Variants in PNKD observed in about 807,000 individuals in gnomAD.
The protein encoded by PNKD is probable thioesterase PNKD.
PNKD carries 36 observed loss-of-function variants against 45.3 expected under a neutral mutation model. That is an observed-to-expected ratio of 0.80 (90% CI 0.61 to 1.05). The LOEUF is 1.05. Among genes scored for constraint, PNKD ranks in the 50% least tolerant of loss-of-function variants. PNKD has a pLI of 0.00. For missense variants in PNKD, 511 were observed against 506.6 expected, an observed-to-expected ratio of 1.01 and a Z score of -0.08; for synonymous variants, 197 against 210.1, an observed-to-expected ratio of 0.94 and a Z score of 0.54.
At chr2:218,294,357 C>A (rs1177690911) in intron 2 of PNKD, among the ~76,000 whole-genome samples, 1 of 152,162 alleles carries the variant, frequency 6.6e-6, no homozygotes. Context: ...ATGTATTGCT[C>A]ACAGTTCTGG....
intron 2 of PNKD, among the ~76,000 whole-genome samples, chr2:218,289,573 T>A (rs1238693030): frequency 1.5e-5 from 2 of 134,586 alleles, no homozygotes; most frequent in Non-Finnish European, 3.0e-5. Context: ...ACCCAGGAGA[T>A]GTAGGTTGCA....
At chr2:218,299,704 C>T (rs1374426604) in intron 2 of PNKD, among the ~76,000 whole-genome samples, 1 of 152,012 alleles carries the variant, frequency 6.6e-6, no homozygotes, top group African/African-American at 2.4e-5. Context: ...TCACTACAAC[C>T]TCCACCTCCC....
At chr2:218,275,547 G>A (rs142976124) in intron 2 of PNKD, 38 of 1,614,022 alleles carry the variant, frequency 2.4e-5, no homozygotes, top group East Asian at 4.5e-5. Context: ...TCTGCAGGGC[G>A]CCAGTGATGT....
chr2:218,329,199 ACT>A (rs1416227288), intron 2 of PNKD, among the ~76,000 whole-genome samples: 3 of 151,808 alleles, frequency 2.0e-5, no homozygotes, highest in Non-Finnish European at 4.4e-5. Flanking sequence ...ACAGAGCAAG[ACT>A]CTGTGTCAAA....
chr2:218,295,990 C>T (rs1382287719), intron 2 of PNKD, among the ~76,000 whole-genome samples: 2 of 151,762 alleles, frequency 1.3e-5, no homozygotes, highest in Non-Finnish European at 2.9e-5. Flanking sequence ...GGACTACAGA[C>T]ATGAGCACCA....
chr2:218,332,432 T>C (rs916913163), intron 2 of PNKD, among the ~76,000 whole-genome samples: 4 of 152,136 alleles, frequency 2.6e-5, no homozygotes, highest in South Asian at 2.1e-4. Flanking sequence ...TGCAGGCAGA[T>C]GGAGGGAGAG....
intron 2 of PNKD, among the ~76,000 whole-genome samples, chr2:218,317,691 A>G (rs947214530): frequency 1.8e-4 from 28 of 152,248 alleles, no homozygotes; most frequent in African/African-American, 6.3e-4. Context: ...GTGAGAAGGC[A>G]GAGGACGTTG....
chr2:218,275,990 C>G, intron 2 of PNKD: 5 of 1,598,648 alleles, frequency 3.1e-6, no homozygotes, highest in Non-Finnish European at 4.3e-6. Context: ...CCCTCATCCC[C>G]TCAGCTCCCC....
Position 218,342,049 on chromosome 2 carries a change from A to C in PNKD, c.686A>C (p.His229Pro). ...LQIRALATPG[H>P]TQGHLVYLLD... ...ATCCGGGCCCTGGCTACACCTGGCC[A>C]CACACAAGGCCATCTGGTCTACCTA... Residue 229 changes from histidine (H) to proline (P), a missense_variant, in exon 7 of 10, where the codon CAC becomes CCC. By Grantham distance (77) the His-to-Pro change is moderately conservative. Coordinates refer to ENST00000273077, the MANE Select transcript of PNKD (RefSeq NM_015488.5). 6.2e-7 allele frequency: 1 copy of C among 1,612,568 alleles called. No individual in the cohort carries two copies. Among genetic ancestry groups the C allele is most frequent in the African/African-American group, 1.3e-5 (1 of 75,034 alleles).
intron 2 of PNKD, chr2:218,327,199 C>G (rs1200591723): frequency 1.3e-5 from 2 of 152,278 alleles, no homozygotes; most frequent in Non-Finnish European, 2.9e-5. Context: ...ACCAAGCCCC[C>G]TCTCCATTCC....
At chr2:218,336,678 G>A (rs184989838) in intron 2 of PNKD, among the ~76,000 whole-genome samples, 459 of 151,144 alleles carry the variant, frequency 3.0e-3, no homozygotes, top group Admixed American at 5.2e-3. Flanking sequence ...ACAGGGTCTC[G>A]CCATGTTGCC....
chr2:218,315,039 T>TC (rs1574690939), intron 2 of PNKD, among the ~76,000 whole-genome samples: 19 of 294 alleles, frequency 0.065, 3 homozygotes, highest in East Asian at 0.43. Context: ...TTTCTTTCTT[T>TC]TTCTTTCTTT....
intron 2 of PNKD, among the ~76,000 whole-genome samples, chr2:218,293,771 T>G (rs1276178822): frequency 3.4e-5 from 3 of 88,482 alleles, no homozygotes; most frequent in South Asian, 3.9e-4. Context: ...TGCTTGTTTG[T>G]TTTGTTTGGT....
chr2:218,323,497 G>A, intron 2 of PNKD: 2 of 1,400,738 alleles, frequency 1.4e-6, no homozygotes, highest in South Asian at 1.4e-5. Flanking sequence ...GGGACTGGGA[G>A]GCGGGGGCTG....
intron 2 of PNKD, among the ~76,000 whole-genome samples, chr2:218,288,306 G>A (rs1035458309): frequency 6.6e-6 from 1 of 152,244 alleles, no homozygotes; most frequent in Non-Finnish European, 1.5e-5. Flanking sequence ...GCGGACGCCT[G>A]TAGTCCCAGC....
At chr2:218,328,287 A>G (rs965994853) in intron 2 of PNKD, among the ~76,000 whole-genome samples, 2 of 152,112 alleles carry the variant, frequency 1.3e-5, no homozygotes, top group African/African-American at 4.8e-5. Flanking sequence ...GTGGCTCCAC[A>G]TGGCTTGCTG....
At chr2:218,343,626 C>CG in intron 8 of PNKD, 40 bp downstream of exon 8, 3 of 1,476,218 alleles carry the variant, frequency 2.0e-6, no homozygotes, top group Non-Finnish European at 2.8e-6. Flanking sequence ...TCCAGCCCCA[C>CG]GCTCAGCCTG....
intron 2 of PNKD, chr2:218,323,506 T>C: frequency 1.8e-6 from 1 of 563,120 alleles, no homozygotes; most frequent in Non-Finnish European, 2.3e-6. Context: ...AGGCGGGGGC[T>C]GGAGCTGGGG....
At chr2:218,321,125 T>C (rs937440284) in intron 2 of PNKD, among the ~76,000 whole-genome samples, 1 of 84,756 alleles carries the variant, frequency 1.2e-5, no homozygotes, top group Non-Finnish European at 2.7e-5. Flanking sequence ...TACAAGCTCA[T>C]GCTTGAGCAT....
Sources: allele counts gnomAD v4.1 joint callset (sites outside exome capture counted in the v4.1 genomes callset), GRCh38; gene constraint gnomAD v4.1.1; transcripts MANE v1.5; gene names NCBI Gene and HGNC (gene_info 2026-07-23, HGNC 2026-07-21).